Variants in TRPC5 observed in about 807,000 individuals in gnomAD.
TRPC5 encodes the protein short transient receptor potential channel 5.
In TRPC5, 9 loss-of-function variants were observed where a neutral mutation model predicts 56.5. The observed-to-expected ratio is 0.16, with a 90% CI of 0.10 to 0.28. The LOEUF (loss-of-function observed/expected upper bound fraction) is 0.28, where lower values mean the gene tolerates loss of function less well. TRPC5 is among the 10% of genes least tolerant of loss of function. TRPC5 has a pLI of 1.00. For missense variants in TRPC5, 469 were observed against 748.9 expected, an observed-to-expected ratio of 0.63 and a Z score of 4.36; for synonymous variants, 282 against 278.5, an observed-to-expected ratio of 1.01 and a Z score of -0.13.
At chrX:111,902,976 G>A (rs1250919079) in intron 3 of TRPC5, 1 of 111,893 alleles carries the variant, frequency 8.9e-6, no homozygotes, top group South Asian at 3.7e-4. Flanking sequence ...TTCACCAATG[G>A]AAAGACAAAC....
chrX:112,040,693 G>C (rs1163736221), intron 1 of TRPC5, among the ~76,000 whole-genome samples: 2 of 111,626 alleles, frequency 1.8e-5, no homozygotes, highest in Non-Finnish European at 1.9e-5. Context: ...ATGGGTTCTA[G>C]GCCAATCTCT....
intron 3 of TRPC5, among the ~76,000 whole-genome samples, chrX:111,879,969 C>T (rs898649036): frequency 9.0e-6 from 1 of 111,238 alleles, no homozygotes; most frequent in Non-Finnish European, 1.9e-5. Context: ...GAAGGAAGAA[C>T]CGAAGACCAA....
intron 1 of TRPC5, among the ~76,000 whole-genome samples, chrX:111,961,139 AG>A (rs1158787792): frequency 4.4e-5 from 5 of 112,453 alleles, no homozygotes; most frequent in African/African-American, 1.6e-4. Context: ...GATAACAGTT[AG>A]GGAATCTGGA....
At chrX:111,882,071 C>T (rs944211881) in intron 3 of TRPC5, 1 of 110,117 alleles carries the variant, frequency 9.1e-6, no homozygotes, top group African/African-American at 3.3e-5. Context: ...GGGCAAAAGC[C>T]GTAAAGTCAC....
intron 2 of TRPC5, among the ~76,000 whole-genome samples, chrX:111,942,895 A>G (rs1438723245): frequency 8.9e-6 from 1 of 111,952 alleles, no homozygotes; most frequent in East Asian, 2.8e-4. Flanking sequence ...AAGGTCGTTC[A>G]GTCTGAATTA....
At chrX:111,918,201 A>G (rs1168154715) in intron 2 of TRPC5, among the ~76,000 whole-genome samples, 1 of 111,567 alleles carries the variant, frequency 9.0e-6, no homozygotes, top group African/African-American at 3.3e-5. Context: ...TTATCCTCAG[A>G]GACTGGAGGA....
intron 1 of TRPC5, among the ~76,000 whole-genome samples, chrX:111,975,613 A>G (rs886544946): frequency 5.4e-5 from 6 of 111,071 alleles, no homozygotes; most frequent in Non-Finnish European, 1.1e-4. Context: ...AGATCATGTT[A>G]CAGCCGGGCG....
chrX:111,991,277 A>G (rs897711835), intron 1 of TRPC5, among the ~76,000 whole-genome samples: 3 of 112,037 alleles, frequency 2.7e-5, no homozygotes, highest in African/African-American at 9.7e-5. Flanking sequence ...CTGGGCCTAC[A>G]TCTAGCCCCT....
chrX:111,795,104 TCTTC>T (rs1946049697), intron 7 of TRPC5, among the ~76,000 whole-genome samples: 1 of 111,276 alleles, frequency 9.0e-6, no homozygotes, highest in Admixed American at 9.6e-5. Context: ...GAGTTTTCCT[TCTTC>T]CTTTCCAATC....
chrX:111,846,100 CCTT>C (rs199631860), intron 6 of TRPC5, among the ~76,000 whole-genome samples: 4,062 of 111,937 alleles, frequency 0.036, 143 homozygotes, highest in African/African-American at 0.11. Context: ...CTGCAACAGT[CCTT>C]TTTTTCTCTG....
intron 1 of TRPC5, among the ~76,000 whole-genome samples, chrX:112,051,833 T>C (rs1930220669): frequency 8.9e-6 from 1 of 111,870 alleles, no homozygotes; most frequent in Non-Finnish European, 1.9e-5. Context: ...TCTCTATGAA[T>C]TTGGCAACAC....
intron 1 of TRPC5, among the ~76,000 whole-genome samples, chrX:111,964,346 G>C (rs1424912089): frequency 8.9e-6 from 1 of 112,320 alleles, no homozygotes; most frequent in African/African-American, 3.2e-5. Flanking sequence ...ATCTACGTCT[G>C]ATTGGTATAC....
At chrX:112,072,909 C>A (rs2147747399) in intron 1 of TRPC5, among the ~76,000 whole-genome samples, 1 of 112,222 alleles carries the variant, frequency 8.9e-6, no homozygotes, top group East Asian at 2.8e-4. Flanking sequence ...TTCCAAATGT[C>A]ACTCATCATT....
chrX:111,819,888 C>G (rs956249068), intron 7 of TRPC5, among the ~76,000 whole-genome samples: 1 of 111,779 alleles, frequency 8.9e-6, no homozygotes, highest in Non-Finnish European at 1.9e-5. Context: ...ACAAACACAC[C>G]TGGCATGAAA....
At chrX:111,938,688 G>A (rs187233028) in intron 2 of TRPC5, among the ~76,000 whole-genome samples, 49 of 111,541 alleles carry the variant, frequency 4.4e-4, no homozygotes, top group African/African-American at 1.3e-3. Flanking sequence ...TGCATCCCAG[G>A]GATGAAGCCC....
Position 112,026,239 on chromosome X carries a change from T to A in TRPC5, c.-22+55640A>T, listed in dbSNP as rs1039700389. 3.6e-5 allele frequency among the ~76,000 whole-genome samples: 4 copies of A among 112,111 alleles called. No homozygotes were observed. The East Asian group carries it at 1.1e-3, about 32-fold the overall frequency. Reference sequence around the variant, plus strand: ...CCTGTGATTGTATCCACCTACATGATTTGTCTCCAGCACTTATTTGGCACT... The same window carrying A: ...CCTGTGATTGTATCCACCTACATGAATTGTCTCCAGCACTTATTTGGCACT... On this transcript the variant is annotated intron_variant, in intron 1 of 10. Coordinates refer to ENST00000262839, the MANE Select transcript of TRPC5 (RefSeq NM_012471.3).
intron 9 of TRPC5, among the ~76,000 whole-genome samples, chrX:111,780,873 G>A (rs1945914615): frequency 9.0e-6 from 1 of 111,222 alleles, no homozygotes; most frequent in Admixed American, 9.7e-5. Context: ...TCTCATATTT[G>A]ACTGACTGAC....
chrX:112,066,919 T>C (rs1930598248), intron 1 of TRPC5, among the ~76,000 whole-genome samples: 1 of 112,242 alleles, frequency 8.9e-6, no homozygotes, highest in Non-Finnish European at 1.9e-5. Context: ...GTTCAGGGTT[T>C]ATTTAATAAA....
intron 1 of TRPC5, among the ~76,000 whole-genome samples, chrX:112,027,995 C>G (rs1438620432): frequency 1.8e-5 from 2 of 111,976 alleles, no homozygotes; most frequent in African/African-American, 6.5e-5. Context: ...GATCTCTATC[C>G]CAGGTGTCAG....
Sources: allele counts gnomAD v4.1 joint callset (sites outside exome capture counted in the v4.1 genomes callset), GRCh38; gene constraint gnomAD v4.1.1; transcripts MANE v1.5; gene names NCBI Gene and HGNC (gene_info 2026-07-23, HGNC 2026-07-21).